Variants in PTPRN2 observed in about 807,000 individuals in gnomAD.
PTPRN2 encodes the protein receptor-type tyrosine-protein phosphatase N2.
Under a neutral mutation model 118.8 loss-of-function variants are expected in PTPRN2, and 74 were observed. The ratio of observed to expected loss-of-function variants is 0.62; its 90% CI spans 0.52 to 0.76. PTPRN2 has a LOEUF of 0.76. Among genes scored for constraint, PTPRN2 ranks in the 30% least tolerant of loss-of-function variants. The pLI is 0.00. For missense variants in PTPRN2, 1,481 were observed against 1,394.4 expected, an observed-to-expected ratio of 1.06 and a Z score of -0.99; for synonymous variants, 641 against 608.0, an observed-to-expected ratio of 1.05 and a Z score of -0.80.
chr7:157,995,691 C>T (rs558055856), intron 11 of PTPRN2, among the ~76,000 whole-genome samples: 25 of 152,370 alleles, frequency 1.6e-4, no homozygotes, highest in Non-Finnish European at 3.1e-4. Context: ...TTTGCCTCAG[C>T]GTCCACATGA....
chr7:158,284,192 CA>C (rs1799620689), intron 3 of PTPRN2, among the ~76,000 whole-genome samples: 1 of 152,222 alleles, frequency 6.6e-6, no homozygotes, highest in South Asian at 2.1e-4. Context: ...GCACCGGACT[CA>C]CAAGACTCAG....
intron 22 of PTPRN2, among the ~76,000 whole-genome samples, chr7:157,541,972 G>C (rs563940949): frequency 1.3e-5 from 2 of 152,192 alleles, no homozygotes; most frequent in African/African-American, 4.8e-5. Context: ...CTTAGTGTAC[G>C]TGTTAGAACC....
chr7:157,760,821 G>A (rs1043610480), intron 12 of PTPRN2, among the ~76,000 whole-genome samples: 7 of 152,116 alleles, frequency 4.6e-5, no homozygotes, highest in African/African-American at 1.7e-4. Context: ...TGAGACAATG[G>A]GGTTTTCTAG....
intron 14 of PTPRN2, among the ~76,000 whole-genome samples, chr7:157,628,957 AAG>A (rs1340591425): frequency 6.6e-6 from 1 of 152,162 alleles, no homozygotes; most frequent in Non-Finnish European, 1.5e-5. Flanking sequence ...ATGCCTGTTT[AAG>A]AGACTATGTG....
At chr7:158,206,062 C>T (rs948905692) in intron 3 of PTPRN2, among the ~76,000 whole-genome samples, 2 of 152,174 alleles carry the variant, frequency 1.3e-5, no homozygotes, top group Admixed American at 1.3e-4. Flanking sequence ...AGCCACTGGA[C>T]TTGGGGTGCA....
chr7:158,476,644 A>G (rs557329897), intron 2 of PTPRN2, among the ~76,000 whole-genome samples: 2 of 152,390 alleles, frequency 1.3e-5, no homozygotes, highest in East Asian at 3.9e-4. Flanking sequence ...CACCGAGTCA[A>G]TCTGCTTCTC....
chr7:158,010,244 G>A (rs993533740), intron 11 of PTPRN2, among the ~76,000 whole-genome samples: 14 of 152,054 alleles, frequency 9.2e-5, no homozygotes, highest in Non-Finnish European at 1.9e-4. Flanking sequence ...GATCCTCCAG[G>A]TCCGTCCTTT....
chr7:158,341,730 C>A (rs1427273341), intron 2 of PTPRN2, among the ~76,000 whole-genome samples: 1 of 140,144 alleles, frequency 7.1e-6, no homozygotes, highest in Non-Finnish European at 1.5e-5. Flanking sequence ...AGCTGACGCC[C>A]GCAGACGTCA....
chr7:158,576,210 C>T (rs1259308694), intron 1 of PTPRN2, among the ~76,000 whole-genome samples: 1 of 152,186 alleles, frequency 6.6e-6, no homozygotes, highest in Non-Finnish European at 1.5e-5. Context: ...CACCAAGTCA[C>T]TCACAGCCAG....
chr7:157,720,931 C>T (rs1160320607), intron 12 of PTPRN2, among the ~76,000 whole-genome samples: 3 of 152,120 alleles, frequency 2.0e-5, no homozygotes, highest in Admixed American at 6.5e-5. Flanking sequence ...AAGCCCCTCG[C>T]GAGTTGAGGA....
Position 158,290,939 on chromosome 7 carries a change from T to C in PTPRN2, c.277+25880A>G, listed in dbSNP as rs533804620. On this transcript the variant is annotated intron_variant, in intron 3 of 22. Transcript: ENST00000389418. ...GACGAATGTTGACTATGTGACTCTC[T>C]TTAAAATATTCAGGGAAAGGAGCAT... 2.0e-5 allele frequency among the ~76,000 whole-genome samples: 3 copies of C among 152,342 alleles called. No individual in the cohort carries two copies. In the South Asian group the frequency reaches 6.2e-4, roughly 32 times the overall value.
At chr7:157,613,410 C>G (rs1802516412) in intron 15 of PTPRN2, among the ~76,000 whole-genome samples, 1 of 152,218 alleles carries the variant, frequency 6.6e-6, no homozygotes, top group African/African-American at 2.4e-5. Context: ...CGGGCGGGCC[C>G]CACGTCGCGC....
chr7:157,975,526 C>A (rs533309271), intron 11 of PTPRN2, among the ~76,000 whole-genome samples: 18 of 152,272 alleles, frequency 1.2e-4, no homozygotes, highest in African/African-American at 4.1e-4. Flanking sequence ...CACGGCCCCA[C>A]GAGGAGACGT....
chr7:157,951,655 C>T (rs147308738), intron 11 of PTPRN2, among the ~76,000 whole-genome samples: 188 of 152,352 alleles, frequency 1.2e-3, no homozygotes, highest in Middle Eastern at 0.01. Context: ...CACGGGCTAA[C>T]GTCCCTCCGC....
At chr7:158,150,245 T>C (rs1238351511) in intron 6 of PTPRN2, among the ~76,000 whole-genome samples, 1 of 152,206 alleles carries the variant, frequency 6.6e-6, no homozygotes. Flanking sequence ...TAGATGGATG[T>C]ATTCATGAGA....
intron 11 of PTPRN2, among the ~76,000 whole-genome samples, chr7:158,077,225 A>C (rs878963478): frequency 2.3e-4 from 35 of 152,114 alleles, no homozygotes; most frequent in Admixed American, 7.9e-4. Context: ...CTCTTCCTCC[A>C]TGTGGACCCG....
At chr7:158,311,436 G>A (rs1801721750) in intron 3 of PTPRN2, among the ~76,000 whole-genome samples, 1 of 151,250 alleles carries the variant, frequency 6.6e-6, no homozygotes, top group African/African-American at 2.4e-5. Context: ...GAATTTTAAT[G>A]GCTTGTCAGA....
chr7:158,537,044 A>G (rs1247563812), intron 1 of PTPRN2, among the ~76,000 whole-genome samples: 2 of 152,122 alleles, frequency 1.3e-5, no homozygotes, highest in East Asian at 3.9e-4. Context: ...CCCTTATAGG[A>G]AGAGACTCAG....
chr7:158,270,866 A>C (rs1476800151), intron 3 of PTPRN2, among the ~76,000 whole-genome samples: 1 of 17,384 alleles, frequency 5.8e-5, no homozygotes, highest in Non-Finnish European at 9.5e-5. Context: ...CCCCACCTGG[A>C]CCGCCCCCTC....
Sources: gnomAD v4.1 joint callset for allele counts (sites outside exome capture counted in the v4.1 genomes callset) on GRCh38, gnomAD v4.1.1 for gene constraint, MANE v1.5 for transcripts, NCBI Gene and HGNC (gene_info 2026-07-23, HGNC 2026-07-21) for gene names.